The following FAM169A variants were observed in gnomAD, a reference collection of about 807,000 sequenced individuals.
The protein encoded by FAM169A is soluble lamin-associated protein of 75 kDa.
FAM169A carries 24 observed loss-of-function variants against 75.7 expected under a neutral mutation model. The ratio of observed to expected loss-of-function variants is 0.32; its 90% CI spans 0.23 to 0.45. FAM169A has a LOEUF of 0.45. FAM169A is among the 20% of genes least tolerant of loss of function. The pLI, the probability that FAM169A is intolerant of heterozygous loss-of-function variation, is 1.00. For missense variants in FAM169A, 673 were observed against 784.0 expected (o/e 0.86, Z 1.69); for synonymous variants, 271 against 271.0 (o/e 1.00, Z 0.00).
chr5:74,788,534 C>T (rs1044544962), intron 11 of FAM169A, among the ~76,000 whole-genome samples: 11 of 152,050 alleles, frequency 7.2e-5, no homozygotes, highest in South Asian at 6.2e-4. Flanking sequence ...GGAGAAACCC[C>T]ATCTCTACTA....
intron 5 of FAM169A, among the ~76,000 whole-genome samples, chr5:74,820,014 G>C (rs1211913712): frequency 6.0e-5 from 2 of 33,222 alleles, no homozygotes; most frequent in East Asian, 1.7e-3. Context: ...TTTTTTTTTT[G>C]AGGCAGAGTC....
intron 3 of FAM169A, 135 bp from the exon 4 acceptor site, chr5:74,839,185 T>C (rs1748723167): frequency 3.1e-6 from 2 of 640,764 alleles, no homozygotes; most frequent in Non-Finnish European, 5.4e-6. Context: ...CAAATAGTAA[T>C]ATTGTACTTT....
chr5:74,864,871 A>C (rs1379216061), intron 1 of FAM169A, among the ~76,000 whole-genome samples: 1 of 152,260 alleles, frequency 6.6e-6, no homozygotes, highest in Non-Finnish European at 1.5e-5. Flanking sequence ...CAAAACAAGC[A>C]AAACTAAAAC....
intron 11 of FAM169A, among the ~76,000 whole-genome samples, chr5:74,784,607 TAA>T (rs70976133): frequency 0.18 from 11,245 of 61,184 alleles, 739 homozygotes; most frequent in African/African-American, 0.31. Flanking sequence ...CAACCCAGGC[TAA>T]AAAAAAAAAA....
chr5:74,805,028 T>C lies in FAM169A; in HGVS notation c.799+128A>G, dbSNP rs548708775. 4.2e-5 allele frequency: 31 copies of C among 735,872 alleles called. No homozygotes were observed. The South Asian group carries it at 4.8e-4, about 11-fold the overall frequency. The allele number at this position is 735,872 out of a possible 1,614,324, so 45.6% of individuals were successfully genotyped here. A position where few individuals can be genotyped will look rare whatever the true frequency, so the allele number is the denominator to read the frequency against. ...CTAGAACAATCACATTATAATACAC[T>C]ACCACTCTGGACTCTAAGACACAAC... On this transcript the variant is annotated intron_variant, in intron 7 of 12. Transcript: ENST00000687041.
At chr5:74,866,418 G>C (rs1191949563), upstream of FAM169A, 1 of 968,700 alleles carries the variant, frequency 1.0e-6, no homozygotes, top group Admixed American at 6.2e-5. Context: ...CTTCGCTTCC[G>C]CTCCGCGCCC....
At chr5:74,816,527 TTCAGAAAA>T (rs1004853651) in intron 5 of FAM169A, among the ~76,000 whole-genome samples, 2 of 152,188 alleles carry the variant, frequency 1.3e-5, no homozygotes, top group Admixed American at 1.3e-4. Flanking sequence ...ACATGTTCCT[TTCAGAAAA>T]TCAGAAAATC....
At chr5:74,836,958 A>AG (rs1491304410) in intron 4 of FAM169A, among the ~76,000 whole-genome samples, 2 of 146,790 alleles carry the variant, frequency 1.4e-5, no homozygotes, top group Non-Finnish European at 3.0e-5. Context: ...AAAAAAAAAA[A>AG]GAGAGGGAAT....
intron 3 of FAM169A, among the ~76,000 whole-genome samples, 179 bp from the exon 4 acceptor site, chr5:74,839,229 T>C (rs1748725167): frequency 6.6e-6 from 1 of 152,206 alleles, no homozygotes; most frequent in African/African-American, 2.4e-5. Context: ...ATTTCACTGA[T>C]ATGGTTTGGC....
At chr5:74,810,458 G>A (rs1001658408) in intron 6 of FAM169A, among the ~76,000 whole-genome samples, 3 of 152,040 alleles carry the variant, frequency 2.0e-5, no homozygotes, top group Non-Finnish European at 4.4e-5. Flanking sequence ...GTACATGTAC[G>A]GTACATGTAG....
chr5:74,840,784 G>A (rs541223272), intron 2 of FAM169A, among the ~76,000 whole-genome samples: 7 of 150,580 alleles, frequency 4.6e-5, no homozygotes, highest in South Asian at 2.1e-4. Flanking sequence ...AGCCAAGATC[G>A]TGCCAATGCA....
chr5:74,865,992 C>T lies in FAM169A; in HGVS notation c.-4+173G>A, dbSNP rs560475940. ...CGCCAGCTGGACGCGAGCCCCGGGTCCAGGCGGCCCGCACTGGTCTGCGCC... is the reference window on the plus strand; with the variant it reads ...CGCCAGCTGGACGCGAGCCCCGGGTTCAGGCGGCCCGCACTGGTCTGCGCC... On this transcript the variant is annotated intron_variant, in intron 1 of 12. Coordinates refer to ENST00000687041, the MANE Select transcript of FAM169A (RefSeq NM_001376049.1). The T allele has an allele frequency of 5.9e-5, 10 of 170,190 alleles. No homozygotes were observed. In the South Asian group the frequency reaches 1.9e-3, roughly 33 times the overall value. 10.5% of individuals were successfully genotyped at this position (170,190 alleles called of 1,614,324 possible).
intron 1 of FAM169A, among the ~76,000 whole-genome samples, chr5:74,842,861 T>A (rs1234142358): frequency 6.6e-6 from 1 of 152,098 alleles, no homozygotes; most frequent in African/African-American, 2.4e-5. Flanking sequence ...ATTAGAGGCA[T>A]AATAACTGGG....
At chr5:74,800,118 G>A (rs1746491537) in intron 10 of FAM169A, 1 of 560,890 alleles carries the variant, frequency 1.8e-6, no homozygotes, top group South Asian at 1.7e-5. Context: ...ACAAACTATG[G>A]CTGACTGCAG....
intron 11 of FAM169A, among the ~76,000 whole-genome samples, chr5:74,793,692 C>T (rs769876629): frequency 8.6e-5 from 13 of 152,022 alleles, no homozygotes; most frequent in Non-Finnish European, 1.8e-4. Context: ...CCATCTGCTC[C>T]CCAAAAACTA....
intron 9 of FAM169A, 49 bp downstream of exon 9, chr5:74,801,541 A>T: frequency 7.1e-7 from 1 of 1,400,198 alleles, no homozygotes; most frequent in Non-Finnish European, 1.0e-6. Context: ...ACACAGCCCT[A>T]ATTTGAAGTG....
intron 1 of FAM169A, among the ~76,000 whole-genome samples, chr5:74,859,830 C>T (rs1749944458): frequency 6.6e-6 from 1 of 151,814 alleles, no homozygotes; most frequent in Non-Finnish European, 1.5e-5. Flanking sequence ...CCAGCCTGGG[C>T]AACAAAGCGA....
chr5:74,856,910 C>T (rs1003337965), intron 1 of FAM169A, among the ~76,000 whole-genome samples: 20 of 150,596 alleles, frequency 1.3e-4, no homozygotes, highest in African/African-American at 4.9e-4. Flanking sequence ...GAGATCGAGA[C>T]CATCCTGACT....
chr5:74,844,693 TGTA>T (rs1443156502), intron 1 of FAM169A, among the ~76,000 whole-genome samples: 6 of 152,074 alleles, frequency 3.9e-5, no homozygotes, highest in African/African-American at 1.4e-4. Context: ...GGTACATGCC[TGTA>T]GTCCCAGCTA....
Sources: allele counts gnomAD v4.1 joint callset (sites outside exome capture counted in the v4.1 genomes callset), GRCh38; gene constraint gnomAD v4.1.1; transcripts MANE v1.5; gene names NCBI Gene and HGNC (gene_info 2026-07-23, HGNC 2026-07-21).